Variants in ADAM19 observed in about 807,000 individuals in gnomAD.
The protein encoded by ADAM19 is disintegrin and metalloproteinase domain-containing protein 19.
ADAM19 carries 65 observed loss-of-function variants against 114.7 expected under a neutral mutation model. The ratio of observed to expected loss-of-function variants is 0.57; its 90% CI spans 0.46 to 0.70. The LOEUF is 0.70. ADAM19 is among the 30% of genes least tolerant of loss of function. The pLI is 0.00. For missense variants in ADAM19, 1,063 were observed against 1,204.7 expected, an observed-to-expected ratio of 0.88 and a Z score of 1.74; for synonymous variants, 466 against 460.5, an observed-to-expected ratio of 1.01 and a Z score of -0.15.
rs142141203 is a variant in ADAM19, at chr5:157,482,604, T to C, written c.2551-661A>G. Among the ~76,000 whole-genome samples the C allele has an allele frequency of 4.4e-3, 674 of 152,314 alleles. 6 individuals are homozygous for C. The highest frequency in any genetic ancestry group is 0.015 in the African/African-American group (619 of 41,566). On this transcript the variant is annotated intron_variant, in intron 21 of 22. Coordinates refer to ENST00000257527, the MANE Select transcript of ADAM19 (RefSeq NM_033274.5). ...ATAAGGTGTAAGGAAGGGATCCAGT[T>C]TCAGCTTTCTGCATATGGCTAGACA...
rs1754637683 is a variant in ADAM19, at chr5:157,477,842, G to A, written c.*3107C>T. ...AGGGGCTATTGCTTCAGGGGGAAGG[G>A]ACTATGGCAATACAAAAAAACACTC... is the stretch of plus-strand genomic sequence containing the variant. On this transcript the variant is annotated 3_prime_UTR_variant, in exon 23 of 23. Coordinates refer to ENST00000257527, the MANE Select transcript of ADAM19 (RefSeq NM_033274.5). 1.5e-6 allele frequency: 1 copy of A among 664,264 alleles called. No homozygotes were observed. The highest frequency in any genetic ancestry group is 2.3e-6 in the Non-Finnish European group (1 of 439,596). 41.1% of individuals were successfully genotyped at this position (664,264 alleles called of 1,614,324 possible).
chr5:157,553,406 T>C (rs1212541680), intron 3 of ADAM19, among the ~76,000 whole-genome samples: 2 of 152,212 alleles, frequency 1.3e-5, no homozygotes, highest in Non-Finnish European at 2.9e-5. Flanking sequence ...AAAATAGAAC[T>C]TCTAATTAAT....
In ADAM19 at chr5:157,502,684, A is replaced by T; in HGVS notation, c.1308+119T>A. On this transcript the variant is annotated intron_variant, in intron 12 of 22. Coordinates refer to ENST00000257527, the MANE Select transcript of ADAM19 (RefSeq NM_033274.5). ...TATCTGATTTTTCATGGGGTATTGG[A>T]CAGTTATATGTAGGAAACACCTGTG... The T allele has an allele frequency of 2.7e-6, 3 of 1,095,794 alleles. No homozygotes were observed. In the South Asian group the frequency reaches 4.3e-5, roughly 16 times the overall value. The allele number at this position is 1,095,794 out of a possible 1,614,324, so 67.9% of individuals were successfully genotyped here.
chr5:157,499,693 G>A (rs761698125), intron 12 of ADAM19, 31 bp from the exon 13 acceptor site: 1 of 1,493,938 alleles, frequency 6.7e-7, no homozygotes, highest in Non-Finnish European at 9.2e-7. Context: ...GTGTGAGTGG[G>A]GGAGGGCCTT....
At chr5:157,575,516 G>A in intron 1 of ADAM19, 87 bp downstream of exon 1, 1 of 1,012,128 alleles carries the variant, frequency 9.9e-7, no homozygotes, top group Middle Eastern at 3.3e-4. Context: ...AGGCGCAGGG[G>A]TCGCGGTCCC....
chr5:157,518,401 T>C (rs1342217042), intron 7 of ADAM19, among the ~76,000 whole-genome samples: 1 of 152,198 alleles, frequency 6.6e-6, no homozygotes, highest in Non-Finnish European at 1.5e-5. Flanking sequence ...TTTTTTTCTT[T>C]GAGACGGAGT....
intron 7 of ADAM19, 61 bp from the exon 8 acceptor site, chr5:157,513,566 C>T: frequency 1.4e-6 from 2 of 1,410,346 alleles, no homozygotes; most frequent in Non-Finnish European, 2.0e-6. Flanking sequence ...GCTTCCTGCG[C>T]CCCATTACTT....
intron 4 of ADAM19, among the ~76,000 whole-genome samples, chr5:157,532,964 C>T (rs1305934355): frequency 6.6e-6 from 1 of 152,154 alleles, no homozygotes; most frequent in Non-Finnish European, 1.5e-5. Context: ...GAGTACTTGG[C>T]CGAGAGTGGC....
chr5:157,480,826 G>A lies in ADAM19; in HGVS notation c.*123C>T. 1 of 1,521,574 alleles carries A rather than the reference G, an allele frequency of 6.6e-7. No homozygotes were observed. Among genetic ancestry groups the A allele is most frequent in the South Asian group, 1.3e-5 (1 of 78,134 alleles). The allele number at this position is 1,521,574 out of a possible 1,614,324, so 94.3% of individuals were successfully genotyped here. A position where few individuals can be genotyped will look rare whatever the true frequency, so the allele number is the denominator to read the frequency against. On this transcript the variant is annotated 3_prime_UTR_variant, in exon 23 of 23. Coordinates refer to ENST00000257527, the MANE Select transcript of ADAM19 (RefSeq NM_033274.5). ...CAGGGAGATTTTTGGAGATGTGGAG[G>A]TTCCTGGAGGAGGGTGGGAGGAGCT...
At chr5:157,513,743 T>G (rs1756004312) in intron 7 of ADAM19, among the ~76,000 whole-genome samples, 1 of 152,178 alleles carries the variant, frequency 6.6e-6, no homozygotes, top group South Asian at 2.1e-4. Context: ...ATGCAATAAT[T>G]ATGCACGGAG....
intron 3 of ADAM19, among the ~76,000 whole-genome samples, chr5:157,544,916 A>G (rs1757007995): frequency 6.6e-6 from 1 of 152,244 alleles, no homozygotes; most frequent in Non-Finnish European, 1.5e-5. Flanking sequence ...CATATCATAA[A>G]GAAAAACGGT....
chr5:157,555,122 G>A (rs1233828500), intron 3 of ADAM19, among the ~76,000 whole-genome samples: 3 of 152,188 alleles, frequency 2.0e-5, no homozygotes, highest in African/African-American at 4.8e-5. Context: ...GAGTCAAACA[G>A]ATCTAGTTTC....
chr5:157,530,730 C>G (rs1205375538), intron 5 of ADAM19, 77 bp downstream of exon 5: 16 of 1,305,228 alleles, frequency 1.2e-5, no homozygotes, highest in Non-Finnish European at 1.8e-5. Flanking sequence ...AAGGTCCTTG[C>G]CTCAGCCTTG....
chr5:157,568,862 G>C (rs1353608554), intron 2 of ADAM19: 1 of 152,108 alleles, frequency 6.6e-6, no homozygotes, highest in African/African-American at 2.4e-5. Context: ...AATAGTTACG[G>C]TGCCAGGCAC....
Position 157,491,854 on chromosome 5 carries a change from T to A in ADAM19, c.1967A>T (p.Lys656Met). Residue 656 changes from lysine (K) to methionine (M), a missense_variant, in exon 17 of 23, where the codon AAG becomes ATG. Physicochemically the swap from Lys to Met is moderately conservative, Grantham distance 95. Transcript: ENST00000257527. ...ACGCACCCCATGGCCATTGCACTTCTTCCCACAGCCTTCAGTTTCAAAGAA... is the reference window on the plus strand; with the variant it reads ...ACGCACCCCATGGCCATTGCACTTCATCCCACAGCCTTCAGTTTCAAAGAA... ...TSFFETEGCG[K>M]KCNGHGVCNN... 5.6e-6 allele frequency: 9 copies of A among 1,614,232 alleles called. No individual in the cohort carries two copies. Among genetic ancestry groups the A allele is most frequent in the Non-Finnish European group, 7.6e-6 (9 of 1,180,032 alleles).
rs745592333 is a variant in ADAM19, at chr5:157,494,766, C to T, written c.1624G>A (p.Glu542Lys). The change falls in exon 15 of 23, where the codon GAG (glutamate) becomes AAG (lysine). Residue 542 changes from glutamate (E) to lysine (K), a missense_variant. By Grantham distance (56) the Glu-to-Lys change is moderately conservative. Transcript: ENST00000257527. ...GARPAPDLCF[E>K]KVNVAGDTFG... ...GTGTCTCCTGCCACATTCACCTTCT[C>T]GAAGCAGAGGTCAGGGGCAGGTCGG... 1.9e-6 allele frequency: 3 copies of T among 1,613,720 alleles called. No homozygotes were observed. The highest frequency in any genetic ancestry group is 1.3e-5 in the African/African-American group (1 of 74,906).
intron 1 of ADAM19, chr5:157,572,388 TC>T (rs1648679891): frequency 2.5e-6 from 1 of 402,986 alleles, no homozygotes; most frequent in Non-Finnish European, 5.1e-6. Context: ...AATGGTAATT[TC>T]CCGACACCTA....
intron 3 of ADAM19, among the ~76,000 whole-genome samples, chr5:157,540,564 T>G (rs963868187): frequency 2.6e-5 from 4 of 152,142 alleles, no homozygotes; most frequent in Non-Finnish European, 4.4e-5. Flanking sequence ...AAACCCCAAT[T>G]ACACTGTGAG....
intron 4 of ADAM19, among the ~76,000 whole-genome samples, chr5:157,536,069 G>A (rs998693497): frequency 1.3e-5 from 2 of 152,236 alleles, no homozygotes; most frequent in Non-Finnish European, 2.9e-5. Flanking sequence ...CAACTTTGCT[G>A]CAGGCACCGG....
Sources: allele counts gnomAD v4.1 joint callset (sites outside exome capture counted in the v4.1 genomes callset), GRCh38; gene constraint gnomAD v4.1.1; transcripts MANE v1.5; gene names NCBI Gene and HGNC (gene_info 2026-07-23, HGNC 2026-07-21).